WWC2: variants seen among roughly 807,000 people sequenced by gnomAD.
The protein encoded by WWC2 is WW and C2 domain containing 2, also known as protein WWC2.
In WWC2, 101 loss-of-function variants were observed where a neutral mutation model predicts 138.5. The observed-to-expected ratio is 0.73, with a 90% confidence interval of 0.62 to 0.86. The LOEUF (loss-of-function observed/expected upper bound fraction) is 0.86, where lower values mean the gene tolerates loss of function less well. Among genes scored for constraint, WWC2 ranks in the 40% least tolerant of loss-of-function variants. WWC2 has a pLI of 0.00. For missense variants in WWC2, 1,420 were observed against 1,419.4 expected, an observed-to-expected ratio of 1.00 and a Z score of -0.01; for synonymous variants, 558 against 538.4, an observed-to-expected ratio of 1.04 and a Z score of -0.50.
At chr4:183,198,949 A>G (rs1028642423) in intron 2 of WWC2, among the ~76,000 whole-genome samples, 6 of 152,154 alleles carry the variant, frequency 3.9e-5, no homozygotes, top group Non-Finnish European at 8.8e-5. Flanking sequence ...AGAAATGAGA[A>G]TGTGTAGTGA....
chr4:183,200,057 T>C (rs1735256656), intron 2 of WWC2, among the ~76,000 whole-genome samples: 1 of 152,116 alleles, frequency 6.6e-6, no homozygotes, highest in Non-Finnish European at 1.5e-5. Flanking sequence ...GGAACCCTCT[T>C]TTGTAGTTCA....
chr4:183,128,195 C>T (rs528315030), intron 1 of WWC2, among the ~76,000 whole-genome samples: 3 of 152,114 alleles, frequency 2.0e-5, no homozygotes, highest in South Asian at 2.1e-4. Flanking sequence ...AAATATTAGC[C>T]GAGTGTGGTG....
chr4:183,175,934 G>A (rs1734455590), intron 1 of WWC2, among the ~76,000 whole-genome samples: 1 of 152,212 alleles, frequency 6.6e-6, no homozygotes, highest in Admixed American at 6.5e-5. Flanking sequence ...TATATTTAGA[G>A]TTTTCCCAGC....
chr4:183,290,614 G>T (rs976547854), intron 21 of WWC2, among the ~76,000 whole-genome samples: 2 of 151,988 alleles, frequency 1.3e-5, no homozygotes. Flanking sequence ...ATATGAAATT[G>T]ATTTACTTTC....
chr4:183,157,496 AT>A (rs1286688615), intron 1 of WWC2, among the ~76,000 whole-genome samples: 36 of 151,472 alleles, frequency 2.4e-4, no homozygotes, highest in Non-Finnish European at 5.3e-4. Flanking sequence ...GTGTCACTCA[AT>A]TTTTTTTTAT....
chr4:183,221,995 G>C (rs1329571366), intron 4 of WWC2, among the ~76,000 whole-genome samples: 2 of 152,140 alleles, frequency 1.3e-5, no homozygotes, highest in Admixed American at 1.3e-4. Flanking sequence ...CTGGGAACCA[G>C]CCTAAATGTC....
In WWC2 at chr4:183,312,367, G is replaced by A. The variant is rs1739281676; in HGVS notation, c.3411G>A (p.Lys1137=). 6.2e-7 allele frequency: 1 copy of A among 1,613,692 alleles called. No individual in the cohort carries two copies. The highest frequency in any genetic ancestry group is 1.1e-5 in the South Asian group (1 of 91,070). ...KQAEQSKEEQ[K]QGLNAEKLMR... is the part of the protein sequence containing the mutation. Reference sequence around the variant, plus strand: ...CTGAACAGTCCAAAGAAGAGCAGAAGCAAGGTCTGAATGCAGAGAAGTTGA... The same window carrying A: ...CTGAACAGTCCAAAGAAGAGCAGAAACAAGGTCTGAATGCAGAGAAGTTGA... Residue 1137 remains lysine (K), a synonymous_variant, in exon 22 of 23, where the codon AAG becomes AAA. Coordinates refer to ENST00000403733, the MANE Select transcript of WWC2 (RefSeq NM_024949.6).
chr4:183,136,287 C>A (rs1405080828), intron 1 of WWC2, among the ~76,000 whole-genome samples: 4 of 151,940 alleles, frequency 2.6e-5, no homozygotes, highest in Non-Finnish European at 5.9e-5. Context: ...TCATATTTTT[C>A]ATTTCTTTGT....
In WWC2 at chr4:183,120,772, A is replaced by G. The variant is rs1487722761; in HGVS notation, c.131+21150A>G. ...GTGAACAATAAAATACATTTATTTAATTAATGGCTGGTCTTGCTTTGTGGC... is the reference window on the plus strand; with the variant it reads ...GTGAACAATAAAATACATTTATTTAGTTAATGGCTGGTCTTGCTTTGTGGC... On this transcript the variant is annotated intron_variant, in intron 1 of 22. Coordinates refer to ENST00000403733, the MANE Select transcript of WWC2 (RefSeq NM_024949.6). 3.9e-5 allele frequency among the ~76,000 whole-genome samples: 6 copies of G among 152,232 alleles called. No homozygotes were observed. The South Asian group carries it at 8.3e-4, about 21-fold the overall frequency.
In WWC2 at chr4:183,319,797, G is replaced by A; in HGVS notation, c.*4068G>A. 2 of 1,613,984 alleles carry A rather than the reference G, an allele frequency of 1.2e-6. No homozygotes were observed. Among genetic ancestry groups the A allele is most frequent in the Non-Finnish European group, 1.7e-6 (2 of 1,179,938 alleles). ...CCAGAACTCCTGAACCGTCTTGTGG[G>A]CAACCCAAGAGACGGGAACCAGGGC... is the stretch of plus-strand genomic sequence containing the variant. On this transcript the variant is annotated 3_prime_UTR_variant, in exon 23 of 23. Coordinates refer to ENST00000403733, the MANE Select transcript of WWC2 (RefSeq NM_024949.6).
chr4:183,262,577 G>A (rs1737363162), intron 11 of WWC2, among the ~76,000 whole-genome samples: 1 of 152,274 alleles, frequency 6.6e-6, no homozygotes, highest in South Asian at 2.1e-4. Flanking sequence ...CAGTGGCCTG[G>A]GCCTGTGGGA....
At chr4:183,314,543 C>T (rs1560901426) in intron 22 of WWC2, among the ~76,000 whole-genome samples, 1 of 152,176 alleles carries the variant, frequency 6.6e-6, no homozygotes. Context: ...GGGGCCTGGG[C>T]CGTTCTGCCC....
chr4:183,109,762 C>T (rs980568745), intron 1 of WWC2, among the ~76,000 whole-genome samples: 8 of 152,166 alleles, frequency 5.3e-5, no homozygotes, highest in Non-Finnish European at 1.2e-4. Flanking sequence ...ATTTATTCCA[C>T]AAGGGATTTG....
intron 11 of WWC2, among the ~76,000 whole-genome samples, chr4:183,263,114 GA>G (rs1319383477): frequency 6.6e-6 from 1 of 152,220 alleles, no homozygotes; most frequent in East Asian, 1.9e-4. Flanking sequence ...AAAGCTATGA[GA>G]AGAAGAAAGA....
intron 1 of WWC2, among the ~76,000 whole-genome samples, chr4:183,113,807 C>T (rs1732327336): frequency 6.8e-6 from 1 of 147,148 alleles, no homozygotes; most frequent in African/African-American, 2.5e-5. Context: ...GGATGAGAAA[C>T]AATCAGAGCT....
At chr4:183,259,766 C>G (rs140294738) in intron 10 of WWC2, 38 bp downstream of exon 10, 1 of 1,352,964 alleles carries the variant, frequency 7.4e-7, no homozygotes, top group Non-Finnish European at 1.0e-6. Context: ...AGCTTTTCTC[C>G]GAATAGCATG....
In WWC2 at chr4:183,246,945, TC is replaced by T. The variant is rs1164957018; in HGVS notation, c.732+1401del. ...TAATTCAACAATTTTAGGTCATCTT[TC>T]ATTCTTCCTATAAACTTTGGATTCA... On this transcript the variant is annotated intron_variant, in intron 6 of 22. Transcript: ENST00000403733. 3.3e-5 allele frequency among the ~76,000 whole-genome samples: 5 copies of T among 152,334 alleles called. No homozygotes were observed. In the East Asian group the frequency reaches 9.6e-4, roughly 29 times the overall value.
intron 1 of WWC2, among the ~76,000 whole-genome samples, chr4:183,114,785 T>C (rs969410646): frequency 1.3e-5 from 2 of 152,104 alleles, no homozygotes; most frequent in African/African-American, 4.8e-5. Flanking sequence ...ATCACCCAGG[T>C]AATAAACATA....
intron 1 of WWC2, among the ~76,000 whole-genome samples, chr4:183,149,754 C>T (rs562893404): frequency 6.8e-6 from 1 of 148,086 alleles, no homozygotes; most frequent in African/African-American, 2.5e-5. Context: ...GAGATTTGCT[C>T]ACATTCAGAA....
Sources: gnomAD v4.1 joint callset for allele counts (sites outside exome capture counted in the v4.1 genomes callset) on GRCh38, gnomAD v4.1.1 for gene constraint, MANE v1.5 for transcripts, NCBI Gene and HGNC (gene_info 2026-07-23, HGNC 2026-07-21) for gene names.